The following HECTD2 variants were observed in gnomAD, a reference collection of about 807,000 sequenced individuals.
HECTD2 encodes the protein probable E3 ubiquitin-protein ligase HECTD2.
A neutral mutation model predicts 103.2 loss-of-function variants in HECTD2; 35 were observed. That is an observed-to-expected ratio of 0.34 (90% CI 0.26 to 0.45). The LOEUF is 0.45. HECTD2 is among the 20% of genes least tolerant of loss of function. The probability of loss-of-function intolerance (pLI) is 1.00; values close to 1 mark genes in which losing one functional copy is unlikely to be tolerated. For missense variants in HECTD2, 596 were observed against 937.4 expected (o/e 0.64, Z 4.76); for synonymous variants, 281 against 329.9 (o/e 0.85, Z 1.61).
chr10:91,424,579 G>T (rs1006316388), intron 1 of HECTD2, among the ~76,000 whole-genome samples: 1 of 152,114 alleles, frequency 6.6e-6, no homozygotes, highest in Non-Finnish European at 1.5e-5. Flanking sequence ...CAAAGTATGT[G>T]TGAAGATTTT....
At position 91,502,307 on chromosome 10, in the gene HECTD2, C is replaced by T. The variant is rs148779179; in HGVS notation, c.2210+973C>T. Among the ~76,000 whole-genome samples, 370 of 152,280 alleles carry T rather than the reference C, an allele frequency of 2.4e-3. 2 individuals are homozygous for T. Among genetic ancestry groups the T allele is most frequent in the Non-Finnish European group, 4.2e-3 (286 of 67,998 alleles). On this transcript the variant is annotated intron_variant, in intron 20 of 20. Coordinates refer to ENST00000298068, the MANE Select transcript of HECTD2 (RefSeq NM_182765.6). Reference sequence around the variant, plus strand: ...TTATGCCTTTCTTCCTCCATGCTTTCAAGTTGTTCCCTTTACATGTGATGT... The same window carrying T: ...TTATGCCTTTCTTCCTCCATGCTTTTAAGTTGTTCCCTTTACATGTGATGT...
At chr10:91,438,432 T>C (rs1844231857) in intron 2 of HECTD2, among the ~76,000 whole-genome samples, 2 of 152,204 alleles carry the variant, frequency 1.3e-5, no homozygotes, top group South Asian at 4.1e-4. Context: ...TATGGCTGCA[T>C]AGTATTCCAT....
At chr10:91,415,381 T>TA (rs1394326475) in intron 1 of HECTD2, among the ~76,000 whole-genome samples, 2 of 152,186 alleles carry the variant, frequency 1.3e-5, no homozygotes, top group Non-Finnish European at 2.9e-5. Flanking sequence ...AAACTACAGA[T>TA]ATTACAAATA....
intron 2 of HECTD2, among the ~76,000 whole-genome samples, chr10:91,428,430 T>A (rs978253774): frequency 6.6e-6 from 1 of 151,900 alleles, no homozygotes; most frequent in Non-Finnish European, 1.5e-5. Context: ...ATTGGTAGCT[T>A]GATGGTGATG....
At chr10:91,491,425 C>G in intron 12 of HECTD2, 118 bp downstream of exon 12, 2 of 529,694 alleles carry the variant, frequency 3.8e-6, no homozygotes, top group Non-Finnish European at 6.6e-6. Context: ...TCCTTAAATT[C>G]TTTTGAAGAT....
intron 5 of HECTD2, among the ~76,000 whole-genome samples, chr10:91,469,520 G>A (rs961271172): frequency 6.6e-6 from 1 of 152,158 alleles, no homozygotes; most frequent in African/African-American, 2.4e-5. Context: ...CATAATTGAA[G>A]GAGAAATAAG....
intron 5 of HECTD2, among the ~76,000 whole-genome samples, chr10:91,470,779 T>A (rs1211016874): frequency 6.6e-6 from 1 of 151,668 alleles, no homozygotes; most frequent in Non-Finnish European, 1.5e-5. Flanking sequence ...TGAAATTGAA[T>A]CAGTAAGAAA....
chr10:91,490,091 T>G (rs1401346170), intron 11 of HECTD2: 1 of 152,138 alleles, frequency 6.6e-6, no homozygotes, highest in Non-Finnish European at 1.5e-5. Context: ...AAAAGAATTT[T>G]GAGTCACTCA....
chr10:91,494,187 TAAG>T (rs1350091102), intron 14 of HECTD2, among the ~76,000 whole-genome samples: 3 of 150,572 alleles, frequency 2.0e-5, no homozygotes, highest in Non-Finnish European at 4.4e-5. Context: ...GCACTGGAGA[TAAG>T]AAAGTATAAA....
At chr10:91,428,835 C>T (rs12247942) in intron 2 of HECTD2, among the ~76,000 whole-genome samples, 30,001 of 151,234 alleles carry the variant, frequency 0.2, 7,126 homozygotes, top group African/African-American at 0.58. Context: ...AGGGACAATT[C>T]GACTTCCTCT....
chr10:91,429,239 T>A (rs1843724238), intron 2 of HECTD2, among the ~76,000 whole-genome samples: 2 of 152,126 alleles, frequency 1.3e-5, no homozygotes, highest in Admixed American at 1.3e-4. Flanking sequence ...CACTTGATCA[T>A]GGTGGAGAAG....
intron 2 of HECTD2, among the ~76,000 whole-genome samples, chr10:91,430,996 A>C (rs1462916420): frequency 6.6e-6 from 1 of 151,444 alleles, no homozygotes; most frequent in African/African-American, 2.4e-5. Context: ...ACATTTTGGC[A>C]TGATTTTGCA....
chr10:91,488,934 T>A (rs1846364165), intron 11 of HECTD2: 1 of 152,190 alleles, frequency 6.6e-6, no homozygotes, highest in Non-Finnish European at 1.5e-5. Flanking sequence ...GGCTCAATGA[T>A]TAGCTGTATA....
intron 2 of HECTD2, among the ~76,000 whole-genome samples, chr10:91,432,273 G>C (rs1564704155): frequency 6.6e-6 from 1 of 151,860 alleles, no homozygotes; most frequent in Admixed American, 6.6e-5. Context: ...TAGGACCTAT[G>C]CTGGGTATTC....
intron 13 of HECTD2, among the ~76,000 whole-genome samples, chr10:91,493,003 T>C (rs991189912): frequency 6.6e-6 from 1 of 151,814 alleles, no homozygotes; most frequent in East Asian, 1.9e-4. Flanking sequence ...TTTTCCTTAT[T>C]CTTTAGTTTT....
chr10:91,449,986 T>C (rs890281040), intron 2 of HECTD2, among the ~76,000 whole-genome samples: 2 of 152,146 alleles, frequency 1.3e-5, no homozygotes, highest in African/African-American at 4.8e-5. Context: ...GCTATCCCCA[T>C]CAAGCTACCA....
chr10:91,428,720 T>C (rs890805957), intron 2 of HECTD2, among the ~76,000 whole-genome samples: 55 of 152,110 alleles, frequency 3.6e-4, no homozygotes, highest in African/African-American at 1.3e-3. Context: ...TTTTTGTACA[T>C]TGATTTTGTA....
intron 2 of HECTD2, among the ~76,000 whole-genome samples, chr10:91,454,181 A>G (rs1298612193): frequency 6.6e-6 from 1 of 152,070 alleles, no homozygotes; most frequent in Non-Finnish European, 1.5e-5. Flanking sequence ...CCATCAACCA[A>G]CAGCACATTT....
chr10:91,410,606 C>T (rs1210317631), intron 1 of HECTD2, 30 bp downstream of exon 1: 1 of 1,182,956 alleles, frequency 8.5e-7, no homozygotes. Context: ...CGTCTGGCGC[C>T]CCGGACGGCG....
Sources: allele counts gnomAD v4.1 joint callset (sites outside exome capture counted in the v4.1 genomes callset), GRCh38; gene constraint gnomAD v4.1.1; transcripts MANE v1.5; gene names NCBI Gene and HGNC (gene_info 2026-07-23, HGNC 2026-07-21).